Variants in MARK1 observed in about 807,000 individuals in gnomAD.
MARK1 encodes the protein microtubule affinity regulating kinase 1, also known as serine/threonine-protein kinase MARK1.
MARK1 carries 40 observed loss-of-function variants against 96.3 expected under a neutral mutation model. The observed-to-expected ratio is 0.42, with a 90% CI of 0.32 to 0.54. MARK1 has a LOEUF of 0.54. Ranked by LOEUF, MARK1 falls within the 20% of genes least tolerant of loss-of-function variation. The pLI, the probability that MARK1 is intolerant of heterozygous loss-of-function variation, is 0.16. For missense variants in MARK1, 719 were observed against 984.6 expected, an observed-to-expected ratio of 0.73 and a Z score of 3.61; for synonymous variants, 317 against 341.2, an observed-to-expected ratio of 0.93 and a Z score of 0.78.
At chr1:220,538,427 A>T (rs1388578083) in intron 1 of MARK1, among the ~76,000 whole-genome samples, 1 of 151,392 alleles carries the variant, frequency 6.6e-6, no homozygotes, top group Non-Finnish European at 1.5e-5. Flanking sequence ...GTTCTGTTGC[A>T]TTGATCTATA....
Position 220,636,034 on chromosome 1 carries a change from A to C in MARK1, c.1470+8A>C, listed in dbSNP as rs753094827. On this transcript the variant is annotated splice_region_variant and intron_variant, in intron 13 of 17. Transcript: ENST00000366917. ...TCTTCAACTATTCCAAGTGTGAGTA[A>C]ATACTCTGGTATATTGCAATTTATT... 7 of 1,592,852 alleles carry C rather than the reference A, an allele frequency of 4.4e-6. No individual in the cohort carries two copies. In the Admixed American group the frequency reaches 1.2e-4, roughly 28 times the overall value.
chr1:220,607,993 A>G (rs555137749), intron 6 of MARK1, among the ~76,000 whole-genome samples: 18 of 152,290 alleles, frequency 1.2e-4, no homozygotes, highest in Non-Finnish European at 1.8e-4. Flanking sequence ...GATGTTCTTC[A>G]GGGATATTGG....
Position 220,618,174 on chromosome 1 carries a change from C to T in MARK1, c.553-136C>T. 1.6e-6 allele frequency: 1 copy of T among 629,582 alleles called. No homozygotes were observed. 39.0% of individuals were successfully genotyped at this position (629,582 alleles called of 1,614,324 possible). On this transcript the variant is annotated intron_variant, in intron 7 of 17. Coordinates refer to ENST00000366917, the MANE Select transcript of MARK1 (RefSeq NM_018650.5). The surrounding 1 kb of genome is among the most constrained non-coding windows in gnomAD (Gnocchi z 4.6). ...AACAGTTATGCATTGAAGTACCATA[C>T]TGGGCTTCTAAATTTGATACTACAT...
intron 1 of MARK1, among the ~76,000 whole-genome samples, chr1:220,564,363 C>A (rs1370764865): frequency 6.6e-6 from 1 of 152,130 alleles, no homozygotes; most frequent in Non-Finnish European, 1.5e-5. Context: ...ACATGAAAAT[C>A]TGTTGTGAGC....
chr1:220,541,133 A>G (rs777031576), intron 1 of MARK1, among the ~76,000 whole-genome samples: 4 of 152,122 alleles, frequency 2.6e-5, no homozygotes, highest in Non-Finnish European at 5.9e-5. Context: ...GGGTTTCACC[A>G]TGTTGGCCAG....
intron 10 of MARK1, among the ~76,000 whole-genome samples, 168 bp from the exon 11 acceptor site, chr1:220,632,033 G>A (rs889533752): frequency 6.6e-6 from 1 of 152,150 alleles, no homozygotes; most frequent in South Asian, 2.1e-4. Context: ...TACAATATCT[G>A]TGAACATATG....
At chr1:220,639,264 AAAAAAT>A (rs200740318) in intron 13 of MARK1, among the ~76,000 whole-genome samples, 3,545 of 152,136 alleles carry the variant, frequency 0.023, 129 homozygotes, top group African/African-American at 0.08. Flanking sequence ...GACCCTGTCA[AAAAAAT>A]AAAAATAAAA....
rs185581757 is a variant in MARK1 at position 220,616,336 on chromosome 1, G to A, written c.552+341G>A. 7.3e-4 allele frequency among the ~76,000 whole-genome samples: 111 copies of A among 152,214 alleles called. 1 individual carries two copies. Among genetic ancestry groups the A allele is most frequent in the Non-Finnish European group, 5.4e-4 (37 of 68,004 alleles). On this transcript the variant is annotated intron_variant, in intron 7 of 17. Transcript: ENST00000366917. ...GAGCACAGACCCATGTTTCCCTTAC[G>A]TAAGAGACAGTATTCACACTCTACC...
intron 13 of MARK1, among the ~76,000 whole-genome samples, chr1:220,646,622 C>T (rs1383339706): frequency 6.6e-6 from 1 of 152,014 alleles, no homozygotes; most frequent in East Asian, 1.9e-4. Flanking sequence ...AAAAACAAAG[C>T]CAGAGGCATC....
chr1:220,650,406 A>G (rs1163326156), intron 13 of MARK1, among the ~76,000 whole-genome samples: 1 of 152,168 alleles, frequency 6.6e-6, no homozygotes, highest in Non-Finnish European at 1.5e-5. Flanking sequence ...CTATTATAGG[A>G]GGATAAGCTA....
At chr1:220,630,210 C>A (rs1211644020) in intron 9 of MARK1, among the ~76,000 whole-genome samples, 1 of 152,166 alleles carries the variant, frequency 6.6e-6, no homozygotes, top group Non-Finnish European at 1.5e-5. Context: ...AGCATCTTTT[C>A]ACACAGCAAG....
intron 1 of MARK1, among the ~76,000 whole-genome samples, chr1:220,543,677 G>A (rs529938666): frequency 3.5e-4 from 53 of 152,228 alleles, no homozygotes; most frequent in Non-Finnish European, 6.3e-4. Flanking sequence ...ACCTAGCATA[G>A]TGTTTGGCAT....
chr1:220,577,272 GA>G (rs35299453), intron 1 of MARK1, among the ~76,000 whole-genome samples: 90,683 of 149,744 alleles, frequency 0.61, 28,087 homozygotes, highest in Non-Finnish European at 0.68. Flanking sequence ...GTCTCAGGAA[GA>G]AAAAAAAAAA....
At chr1:220,543,928 G>A (rs774646863) in intron 1 of MARK1, among the ~76,000 whole-genome samples, 50 of 152,096 alleles carry the variant, frequency 3.3e-4, no homozygotes, top group Non-Finnish European at 1.9e-4. Flanking sequence ...TGATGATGAT[G>A]ATTACATTGT....
chr1:220,615,704 A>G (rs529121323), intron 6 of MARK1, among the ~76,000 whole-genome samples: 1 of 152,300 alleles, frequency 6.6e-6, no homozygotes, highest in Admixed American at 6.5e-5. Flanking sequence ...AGCCTCTGAC[A>G]AAGAAATATT....
chr1:220,656,036 A>G (rs1173002946), intron 16 of MARK1, among the ~76,000 whole-genome samples: 1 of 152,192 alleles, frequency 6.6e-6, no homozygotes, highest in Non-Finnish European at 1.5e-5. Context: ...ACCAAACCTT[A>G]TGATTTTCTA....
chr1:220,543,049 C>CT (rs1661252337), intron 1 of MARK1, among the ~76,000 whole-genome samples: 3 of 152,088 alleles, frequency 2.0e-5, no homozygotes, highest in Non-Finnish European at 4.4e-5. Context: ...TTTTTGAAAT[C>CT]ATTTGTTACA....
At chr1:220,592,219 CATATTATATTATATTATATT>C (rs66795891) in intron 3 of MARK1, among the ~76,000 whole-genome samples, 66 of 136,524 alleles carry the variant, frequency 4.8e-4, no homozygotes, top group East Asian at 4.3e-3. Flanking sequence ...ATGATTATAT[CATATTATATTATATTATATT>C]ATATTATATT....
chr1:220,645,496 C>G (rs887100222), intron 13 of MARK1, among the ~76,000 whole-genome samples: 2 of 152,210 alleles, frequency 1.3e-5, no homozygotes, highest in Non-Finnish European at 2.9e-5. Flanking sequence ...CAAAGAGGAG[C>G]TGAAACCATT....
Sources: gnomAD v4.1 joint callset for allele counts (sites outside exome capture counted in the v4.1 genomes callset) on GRCh38, gnomAD v4.1.1 for gene constraint, Gnocchi (gnomAD v3.1) non-coding constraint, MANE v1.5 for transcripts, NCBI Gene and HGNC (gene_info 2026-07-23, HGNC 2026-07-21) for gene names.